CYTH1: variants seen among roughly 807,000 people sequenced by gnomAD.
CYTH1 encodes cytohesin-1.
CYTH1 carries 18 observed loss-of-function variants against 61.8 expected under a neutral mutation model. That is an observed-to-expected ratio of 0.29 (90% CI 0.20 to 0.43). The LOEUF (loss-of-function observed/expected upper bound fraction) is 0.43. Ranked by LOEUF, CYTH1 falls within the 20% of genes least tolerant of loss-of-function variation. The pLI, the probability that CYTH1 is intolerant of heterozygous loss-of-function variation, is 1.00. For synonymous variants in CYTH1, 174 were observed against 184.3 expected (o/e 0.94, Z 0.45); for missense variants, 336 against 510.5 (o/e 0.66, Z 3.29).
Position 78,675,597 on chromosome 17 carries a change from G to A in CYTH1, c.*494C>T. On this transcript the variant is annotated 3_prime_UTR_variant, in exon 14 of 14. Transcript: ENST00000446868. ...GGAGAAGCTCCCCAGCGCAGCCAGG[G>A]CAGAATGCACCTGAACAGCCCTACG... is the stretch of plus-strand genomic sequence containing the variant. 1 of 209,688 alleles carries A rather than the reference G, an allele frequency of 4.8e-6. No individual in the cohort carries two copies. The highest frequency in any genetic ancestry group is 9.4e-6 in the Non-Finnish European group (1 of 106,500). 13.0% of individuals were successfully genotyped at this position (209,688 alleles called of 1,614,324 possible). A position where few individuals can be genotyped will look rare whatever the true frequency, so the allele number is the denominator to read the frequency against.
intron 1 of CYTH1, among the ~76,000 whole-genome samples, chr17:78,730,126 A>G (rs1216793827): frequency 6.6e-6 from 1 of 152,128 alleles, no homozygotes; most frequent in Non-Finnish European, 1.5e-5. Flanking sequence ...TTCTGCTGTG[A>G]TTTCGTATGT....
At chr17:78,779,973 G>T (rs2093510174) in intron 1 of CYTH1, among the ~76,000 whole-genome samples, 1 of 152,238 alleles carries the variant, frequency 6.6e-6, no homozygotes, top group Non-Finnish European at 1.5e-5. Flanking sequence ...ATGCCTGGTG[G>T]CAAAGCAGTC....
intron 11 of CYTH1, among the ~76,000 whole-genome samples, chr17:78,684,315 C>T (rs2092794692): frequency 6.6e-6 from 1 of 152,196 alleles, no homozygotes; most frequent in Admixed American, 6.5e-5. Context: ...GAATGAGAAC[C>T]ACTGATGGAA....
At chr17:78,772,608 G>A (rs181832779) in intron 1 of CYTH1, among the ~76,000 whole-genome samples, 76 of 152,282 alleles carry the variant, frequency 5.0e-4, no homozygotes, top group African/African-American at 1.7e-3. Context: ...CGCGATCTCG[G>A]CTCACTGCAA....
chr17:78,761,661 C>T (rs2093429225), intron 1 of CYTH1, among the ~76,000 whole-genome samples: 1 of 152,142 alleles, frequency 6.6e-6, no homozygotes, highest in East Asian at 1.9e-4. Flanking sequence ...TGACGTGAAC[C>T]CGGGAGGCGG....
chr17:78,684,690 T>C (rs1405646924), intron 11 of CYTH1, among the ~76,000 whole-genome samples: 6 of 152,202 alleles, frequency 3.9e-5, no homozygotes, highest in African/African-American at 1.4e-4. Context: ...TTTGTGTGTG[T>C]GCAGAGAGAT....
intron 1 of CYTH1, among the ~76,000 whole-genome samples, chr17:78,732,007 C>T (rs935350286): frequency 8.5e-5 from 13 of 152,158 alleles, no homozygotes; most frequent in Non-Finnish European, 8.8e-5. Flanking sequence ...CAGGTTCCTG[C>T]GAACCCTCCT....
intron 1 of CYTH1, among the ~76,000 whole-genome samples, chr17:78,736,098 A>T (rs540306152): frequency 2.4e-4 from 37 of 152,356 alleles, no homozygotes; most frequent in African/African-American, 8.9e-4. Flanking sequence ...AGAAGACCAC[A>T]TCGTCTTTTC....
At position 78,702,449 on chromosome 17, in the gene CYTH1, G is replaced by A. The variant is rs1206885645; in HGVS notation, c.237+89C>T. ...ACAAAACGGCAACATGAACTGTAAC[G>A]CTTGGAAAAAAACGTTTTTAGGGTC... is the stretch of plus-strand genomic sequence containing the variant. On this transcript the variant is annotated intron_variant, in intron 4 of 13. Transcript: ENST00000446868. 3.1e-5 allele frequency: 44 copies of A among 1,401,000 alleles called. 1 individual carries two copies. Among genetic ancestry groups the A allele is most frequent in the South Asian group, 2.4e-4 (20 of 81,982 alleles). The allele number at this position is 1,401,000 out of a possible 1,614,324, so 86.8% of individuals were successfully genotyped here.
intron 1 of CYTH1, among the ~76,000 whole-genome samples, chr17:78,730,636 GA>G (rs1787018378): frequency 1.3e-5 from 2 of 151,944 alleles, no homozygotes; most frequent in African/African-American, 4.8e-5. Context: ...GAGGAAGGAA[GA>G]ACATGATACA....
intron 1 of CYTH1, among the ~76,000 whole-genome samples, chr17:78,780,369 C>T (rs2093511865): frequency 6.6e-6 from 1 of 152,018 alleles, no homozygotes; most frequent in African/African-American, 2.4e-5. Flanking sequence ...ATTAGCAGGG[C>T]GTGGTAGCCC....
chr17:78,746,397 A>G (rs1273267193), intron 1 of CYTH1, among the ~76,000 whole-genome samples: 2 of 152,204 alleles, frequency 1.3e-5, no homozygotes, highest in Non-Finnish European at 2.9e-5. Flanking sequence ...CATGTAGACT[A>G]ATGAAATTAC....
At chr17:78,708,557 A>G (rs896889164) in intron 2 of CYTH1, among the ~76,000 whole-genome samples, 1 of 152,186 alleles carries the variant, frequency 6.6e-6, no homozygotes, top group African/African-American at 2.4e-5. Context: ...GAAAAACAAA[A>G]CCTGGCTGCC....
At chr17:78,714,984 C>T (rs982816001) in intron 1 of CYTH1, among the ~76,000 whole-genome samples, 3 of 151,764 alleles carry the variant, frequency 2.0e-5, no homozygotes, top group Non-Finnish European at 2.9e-5. Flanking sequence ...AAAAAGTCAA[C>T]GAAGGATTAA....
chr17:78,737,961 T>G (rs1474805904), intron 1 of CYTH1, among the ~76,000 whole-genome samples: 1 of 152,194 alleles, frequency 6.6e-6, no homozygotes, highest in Non-Finnish European at 1.5e-5. Context: ...TTCATGACTG[T>G]AAATGGACAT....
intron 1 of CYTH1, among the ~76,000 whole-genome samples, chr17:78,779,467 T>C (rs1567890432): frequency 1.3e-5 from 2 of 150,992 alleles, no homozygotes; most frequent in Non-Finnish European, 2.9e-5. Context: ...TCTTCGTGTG[T>C]GGCAGACAGA....
rs1478468213 is a variant in CYTH1 at position 78,698,984 on chromosome 17, A to G, written c.551-16T>C. The G allele has an allele frequency of 6.2e-7, 1 of 1,608,278 alleles. No individual in the cohort carries two copies. The highest frequency in any genetic ancestry group is 8.5e-7 in the Non-Finnish European group (1 of 1,178,130). ...TAACAAGTATCTAAAGATGAGAGAA[A>G]AGCAAAGGGGAGCCGTTGCATGCTC... On this transcript the variant is annotated splice_polypyrimidine_tract_variant and intron_variant, in intron 7 of 13. Transcript: ENST00000446868.
At position 78,675,677 on chromosome 17, in the gene CYTH1, T is replaced by C. The variant is rs2092690564; in HGVS notation, c.*414A>G. The stretch of plus-strand genomic sequence containing the variant: ...TTATAGTATGTGGCTTCTCTTCCTT[T>C]CCACCTTTTTCTCTTAACATATAAT... On this transcript the variant is annotated 3_prime_UTR_variant, in exon 14 of 14. Coordinates refer to ENST00000446868, the MANE Select transcript of CYTH1 (RefSeq NM_004762.6). 4.9e-6 allele frequency: 2 copies of C among 411,708 alleles called. No homozygotes were observed. Among genetic ancestry groups the C allele is most frequent in the Non-Finnish European group, 8.5e-6 (2 of 235,564 alleles). 25.5% of individuals were successfully genotyped at this position (411,708 alleles called of 1,614,324 possible).
At chr17:78,689,863 A>T (rs2092860063) in intron 11 of CYTH1, among the ~76,000 whole-genome samples, 1 of 152,042 alleles carries the variant, frequency 6.6e-6, no homozygotes, top group Non-Finnish European at 1.5e-5. Flanking sequence ...GCCTCCTCCC[A>T]GACCTGAGAA....
Sources: gnomAD v4.1 joint callset for allele counts (sites outside exome capture counted in the v4.1 genomes callset) on GRCh38, gnomAD v4.1.1 for gene constraint, MANE v1.5 for transcripts, NCBI Gene and HGNC (gene_info 2026-07-23, HGNC 2026-07-21) for gene names.